Variants in TAB2 observed in about 807,000 individuals in gnomAD.
The protein encoded by TAB2 is TGF-beta-activated kinase 1 and MAP3K7-binding protein 2.
Under a neutral mutation model 65.0 loss-of-function variants are expected in TAB2, and 3 were observed. That is an observed-to-expected ratio of 0.05 (90% CI 0.02 to 0.12). The LOEUF is 0.12. TAB2 is among the 10% of genes least tolerant of loss of function. The pLI is 1.00. For synonymous variants in TAB2, 298 were observed against 285.1 expected, an observed-to-expected ratio of 1.05 and a Z score of -0.46; for missense variants, 623 against 840.3, an observed-to-expected ratio of 0.74 and a Z score of 3.20.
rs183333158 is a variant in TAB2 at position 149,363,734 on chromosome 6, G to T, written c.-89-6175G>T. 5.3e-5 allele frequency among the ~76,000 whole-genome samples: 8 copies of T among 151,968 alleles called. No homozygotes were observed. The East Asian group carries it at 1.5e-3, about 29-fold the overall frequency. On this transcript the variant is annotated intron_variant, in intron 1 of 6. Coordinates refer to ENST00000637181, the MANE Select transcript of TAB2 (RefSeq NM_001292034.3). ...CATTCACACTCAGGTTTTAATTAAC[G>T]CCAGTACCACAGATGCACCTCACAT...
intron 3 of TAB2, among the ~76,000 whole-genome samples, chr6:149,390,228 A>G (rs369771074): frequency 3.3e-5 from 5 of 152,330 alleles, no homozygotes; most frequent in Admixed American, 2.0e-4. Flanking sequence ...GTACTTTCCT[A>G]GGTACAATGA....
exon 1 of TAB2, chr6:149,218,762 C>T (rs549094717): frequency 6.6e-6 from 3 of 455,914 alleles, no homozygotes; most frequent in Non-Finnish European, 1.3e-5. Context: ...CAAAGCAAAC[C>T]AACTGAGAAT....
intron 1 of TAB2, among the ~76,000 whole-genome samples, chr6:149,356,948 AC>A (rs1465648092): frequency 6.6e-6 from 1 of 152,192 alleles, no homozygotes; most frequent in Non-Finnish European, 1.5e-5. Flanking sequence ...ATAAAAATGC[AC>A]CTGTCATTTC....
chr6:149,391,089 T>C (rs558894474), intron 3 of TAB2, among the ~76,000 whole-genome samples: 2 of 152,320 alleles, frequency 1.3e-5, no homozygotes, highest in African/African-American at 4.8e-5. Context: ...GGGAGGTAAA[T>C]TCTCTTAAGT....
intron 1 of TAB2, among the ~76,000 whole-genome samples, chr6:149,219,118 T>C (rs1777085825): frequency 6.6e-6 from 1 of 152,172 alleles, no homozygotes; most frequent in African/African-American, 2.4e-5. Flanking sequence ...GCTGGGAGCG[T>C]TCAGTGACAA....
At chr6:149,254,014 G>GAAAGAAAGAAAGAAAGA in intron 1 of TAB2, among the ~76,000 whole-genome samples, 1 of 135,738 alleles carries the variant, frequency 7.4e-6, no homozygotes, top group East Asian at 2.2e-4. Context: ...AAGAAAGAAA[G>GAAAGAAAGAAAGAAAGA]AAAGAAAGAA....
chr6:149,258,564 T>C (rs944536770), intron 1 of TAB2, among the ~76,000 whole-genome samples: 3 of 152,378 alleles, frequency 2.0e-5, no homozygotes, highest in Non-Finnish European at 2.9e-5. Context: ...TTGCTGATCA[T>C]GCATTTGCTC....
At chr6:149,385,455 A>C (rs369094265) in intron 3 of TAB2, among the ~76,000 whole-genome samples, 5 of 152,364 alleles carry the variant, frequency 3.3e-5, no homozygotes, top group Admixed American at 2.0e-4. Context: ...TGAGTGCAGG[A>C]GTTCAAGACC....
intron 1 of TAB2, among the ~76,000 whole-genome samples, chr6:149,331,515 C>T (rs1779785517): frequency 6.6e-6 from 1 of 151,994 alleles, no homozygotes; most frequent in Admixed American, 6.6e-5. Flanking sequence ...ACATTTTTTT[C>T]TTCCCAATCT....
intron 1 of TAB2, among the ~76,000 whole-genome samples, chr6:149,263,118 T>C (rs1426997621): frequency 6.6e-6 from 1 of 152,196 alleles, no homozygotes; most frequent in African/African-American, 2.4e-5. Flanking sequence ...CTTCACTCTT[T>C]CTAAGAGTTA....
chr6:149,354,837 T>C (rs1485066837), intron 1 of TAB2, among the ~76,000 whole-genome samples: 1 of 152,196 alleles, frequency 6.6e-6, no homozygotes, highest in Non-Finnish European at 1.5e-5. Flanking sequence ...GACCATAGTT[T>C]ACACATCACT....
At chr6:149,377,029 T>G (rs1781421419) in intron 2 of TAB2, among the ~76,000 whole-genome samples, 1 of 150,774 alleles carries the variant, frequency 6.6e-6, no homozygotes, top group African/African-American at 2.4e-5. Context: ...TTGAGATGAC[T>G]GGTATGAATT....
intron 6 of TAB2, among the ~76,000 whole-genome samples, chr6:149,408,309 A>G (rs913676694): frequency 6.6e-6 from 1 of 152,168 alleles, no homozygotes; most frequent in Admixed American, 6.5e-5. Flanking sequence ...TACTGTATAA[A>G]CACCATTCAA....
At chr6:149,313,264 GGAGATCCTCCCACCTCAGCCTCAT>G (rs1032680732), upstream of TAB2, among the ~76,000 whole-genome samples, 8 of 151,928 alleles carry the variant, frequency 5.3e-5, no homozygotes, top group South Asian at 2.1e-4. Flanking sequence ...CCCACGCTCA[GGAGATCCTCCCACCTCAGCCTCAT>G]GAGATCCTCC....
intron 1 of TAB2, among the ~76,000 whole-genome samples, chr6:149,272,088 A>G (rs1778375250): frequency 1.3e-5 from 2 of 152,114 alleles, no homozygotes; most frequent in Admixed American, 6.6e-5. Context: ...GTAAGAGGTC[A>G]TTCCTTCCCC....
At chr6:149,275,125 G>GTTTTTTTTTTT (rs370658789) in intron 1 of TAB2, among the ~76,000 whole-genome samples, 5 of 67,856 alleles carry the variant, frequency 7.4e-5, no homozygotes, top group Admixed American at 1.7e-4. Flanking sequence ...CTCTTCTTCT[G>GTTTTTTTTTTT]TTTTTTTTTT....
chr6:149,390,902 C>G (rs76544153), intron 3 of TAB2, among the ~76,000 whole-genome samples: 2,234 of 152,234 alleles, frequency 0.015, 55 homozygotes, highest in African/African-American at 0.051. Flanking sequence ...TTGTTGTTCT[C>G]TGCCTTTATC....
intron 1 of TAB2, among the ~76,000 whole-genome samples, chr6:149,228,154 A>C (rs1777323536): frequency 6.6e-6 from 1 of 152,226 alleles, no homozygotes. Flanking sequence ...TTGAAACCTA[A>C]GGAAAATAAT....
intron 1 of TAB2, among the ~76,000 whole-genome samples, chr6:149,271,380 A>G (rs1226188343): frequency 6.6e-6 from 1 of 152,142 alleles, no homozygotes; most frequent in Non-Finnish European, 1.5e-5. Flanking sequence ...GTAAGAAAAA[A>G]GCTCTGCTCC....
Sources: allele counts gnomAD v4.1 joint callset (sites outside exome capture counted in the v4.1 genomes callset), GRCh38; gene constraint gnomAD v4.1.1; transcripts MANE v1.5; gene names NCBI Gene and HGNC (gene_info 2026-07-23, HGNC 2026-07-21).